Variants in HELLS observed in about 807,000 individuals in gnomAD.
HELLS encodes the protein lymphoid-specific helicase.
In HELLS, 32 loss-of-function variants were observed where a neutral mutation model predicts 120.0. The ratio of observed to expected loss-of-function variants is 0.27; its 90% CI spans 0.20 to 0.36. HELLS has a LOEUF of 0.36. HELLS is among the 10% of genes least tolerant of loss of function. HELLS has a pLI of 1.00. For missense variants in HELLS, 650 were observed against 993.4 expected, an observed-to-expected ratio of 0.65 and a Z score of 4.65; for synonymous variants, 341 against 323.4, an observed-to-expected ratio of 1.05 and a Z score of -0.58.
chr10:94,589,202 A>C (rs1008514428), intron 13 of HELLS, among the ~76,000 whole-genome samples: 1 of 152,230 alleles, frequency 6.6e-6, no homozygotes, highest in Non-Finnish European at 1.5e-5. Flanking sequence ...AACTCTAATC[A>C]TGCTTTCTGG....
At chr10:94,559,789 C>A (rs1843460911) in intron 4 of HELLS, among the ~76,000 whole-genome samples, 1 of 152,056 alleles carries the variant, frequency 6.6e-6, no homozygotes, top group Non-Finnish European at 1.5e-5. Flanking sequence ...AATAAGATAT[C>A]TTTAAAAACA....
chr10:94,571,420 G>A lies in HELLS; in HGVS notation c.468G>A (p.Lys156=). The A allele has an allele frequency of 1.3e-6, 2 of 1,497,548 alleles. No individual in the cohort carries two copies. The highest frequency in any genetic ancestry group is 9.2e-7 in the Non-Finnish European group (1 of 1,086,814). 92.8% of individuals were successfully genotyped at this position (1,497,548 alleles called of 1,614,324 possible). Residue 156 remains lysine, a synonymous_variant, in exon 7 of 22, where the codon AAG becomes AAA. Coordinates refer to ENST00000348459, the MANE Select transcript of HELLS (RefSeq NM_018063.5). Reference sequence around the variant, plus strand: ...TGTCTGTGGCTAAAAAAAATAAAAAGGAGAATGAGGTAAGAAATTTATAAT... The same window carrying A: ...TGTCTGTGGCTAAAAAAAATAAAAAAGAGAATGAGGTAAGAAATTTATAAT... The part of the protein sequence containing the change: ...EILSVAKKNK[K]ENEDENSSST...
At chr10:94,585,041 TC>T (rs1845051746) in intron 12 of HELLS, among the ~76,000 whole-genome samples, 1 of 152,108 alleles carries the variant, frequency 6.6e-6, no homozygotes, top group Non-Finnish European at 1.5e-5. Flanking sequence ...TTAACTATTT[TC>T]TATATGAAAG....
chr10:94,576,993 A>T lies in HELLS; in HGVS notation c.1032+188A>T, dbSNP rs563864300. The T allele has an allele frequency of 2.0e-4, 123 of 603,622 alleles. No homozygotes were observed. The Middle Eastern group carries it at 2.8e-3, about 14-fold the overall frequency. The allele number at this position is 603,622 out of a possible 1,614,324, so 37.4% of individuals were successfully genotyped here. On this transcript the variant is annotated intron_variant, in intron 10 of 21. Transcript: ENST00000348459. ...CAGAATGATTGGGATGAAGGCCATC[A>T]TTTGTAACAATATAATTAAAGCTTA...
chr10:94,596,934 T>C lies in HELLS; in HGVS notation c.2323T>C (p.Leu775=). 1.3e-6 allele frequency: 2 copies of C among 1,502,134 alleles called. No individual in the cohort carries two copies. Among genetic ancestry groups the C allele is most frequent in the Non-Finnish European group, 1.9e-6 (2 of 1,079,972 alleles). 93.1% of individuals were successfully genotyped at this position (1,502,134 alleles called of 1,614,324 possible). A position where few individuals can be genotyped will look rare whatever the true frequency, so the allele number is the denominator to read the frequency against. ...FLDPKELMEL[L]KSRDYEREIK... is the part of the protein sequence containing the mutation. ...AGATCCTAAGGAATTAATGGAATTA[T>C]TAAAATCTAGAGATTATGAAAGGTG... Residue 775 remains leucine, a synonymous_variant, in exon 20 of 22, where the codon TTA becomes CTA. Transcript: ENST00000348459.
At chr10:94,561,769 A>C (rs1000126925) in intron 4 of HELLS, among the ~76,000 whole-genome samples, 1 of 151,832 alleles carries the variant, frequency 6.6e-6, no homozygotes, top group Non-Finnish European at 1.5e-5. Flanking sequence ...ACCTGGCCAG[A>C]AACTGTTTCT....
At chr10:94,582,312 A>G (rs1425850023) in intron 11 of HELLS, among the ~76,000 whole-genome samples, 1 of 152,156 alleles carries the variant, frequency 6.6e-6, no homozygotes, top group East Asian at 1.9e-4. Flanking sequence ...GTGCAGACAT[A>G]CTGAGTTACA....
intron 12 of HELLS, among the ~76,000 whole-genome samples, chr10:94,587,676 C>G (rs1183549725): frequency 6.6e-6 from 1 of 152,252 alleles, no homozygotes; most frequent in East Asian, 1.9e-4. Flanking sequence ...ATTCACCCGT[C>G]TTGGCCTCCC....
At chr10:94,590,309 A>G (rs1466876210) in intron 13 of HELLS, 104 bp from the exon 14 acceptor site, 7 of 945,522 alleles carry the variant, frequency 7.4e-6, no homozygotes, top group African/African-American at 1.7e-5. Context: ...GTATTTGTCT[A>G]TAGATTGTCA....
At chr10:94,591,601 T>C (rs1389991889) in intron 15 of HELLS, among the ~76,000 whole-genome samples, 1 of 152,206 alleles carries the variant, frequency 6.6e-6, no homozygotes, top group East Asian at 1.9e-4. Context: ...TAGATGCCAC[T>C]AGTATTCACT....
At chr10:94,612,926 T>C (rs1846208742) in exon 10 of HELLS, 1 of 152,118 alleles carries the variant, frequency 6.6e-6, no homozygotes, top group Admixed American at 6.5e-5. Flanking sequence ...TCTCAAAAAA[T>C]AAAGGTGTAC....
chr10:94,580,362 A>G (rs1282317390), intron 10 of HELLS, among the ~76,000 whole-genome samples: 2 of 151,148 alleles, frequency 1.3e-5, no homozygotes, highest in Non-Finnish European at 3.0e-5. Flanking sequence ...TTGTATTTTT[A>G]GTAGAGACGG....
chr10:94,563,808 C>CTTTTT (rs10623208), intron 6 of HELLS, among the ~76,000 whole-genome samples: 2 of 136,418 alleles, frequency 1.5e-5, no homozygotes, highest in Non-Finnish European at 1.6e-5. Flanking sequence ...GTTTTCTTTT[C>CTTTTT]TTTTTTTTTT....
At chr10:94,607,583 TA>T (rs1367050091) in intron 8 of HELLS, among the ~76,000 whole-genome samples, 5 of 152,228 alleles carry the variant, frequency 3.3e-5, no homozygotes, top group Non-Finnish European at 5.9e-5. Flanking sequence ...AGTGAGTCAC[TA>T]TTCCATATTT....
At chr10:94,560,599 G>T (rs186420269) in intron 4 of HELLS, among the ~76,000 whole-genome samples, 44 of 152,114 alleles carry the variant, frequency 2.9e-4, no homozygotes, top group African/African-American at 1.0e-3. Flanking sequence ...GGGAGGTTGA[G>T]GCACGAGTAT....
At chr10:94,557,680 G>A (rs1006771100) in intron 3 of HELLS, among the ~76,000 whole-genome samples, 2 of 152,204 alleles carry the variant, frequency 1.3e-5, no homozygotes, top group African/African-American at 2.4e-5. Flanking sequence ...CTGAGAGAGA[G>A]ATAACAGCTG....
intron 7 of HELLS, among the ~76,000 whole-genome samples, chr10:94,573,644 A>G (rs1844293111): frequency 6.6e-6 from 1 of 151,724 alleles, no homozygotes; most frequent in Non-Finnish European, 1.5e-5. Flanking sequence ...TTGTATTTTT[A>G]GTAGACACAG....
In HELLS at chr10:94,576,930, T is replaced by TACCTGTAGAAGC; in HGVS notation, c.1032+125_1032+126insACCTGTAGAAGC. On this transcript the variant is annotated intron_variant, in intron 10 of 21. Transcript: ENST00000348459. ...TTTGTTGTCGAAATAATAGATTATA[T>TACCTGTAGAAGC]TGTGCATATACCTGTAGAAGCTGGA... The TACCTGTAGAAGC allele has an allele frequency of 1.3e-5, 10 of 772,188 alleles. No individual in the cohort carries two copies. In the South Asian group the frequency reaches 2.0e-4, roughly 15 times the overall value. The allele number at this position is 772,188 out of a possible 1,614,324, so 47.8% of individuals were successfully genotyped here.
At chr10:94,563,199 G>A (rs1589715904) in intron 6 of HELLS, among the ~76,000 whole-genome samples, 2 of 151,684 alleles carry the variant, frequency 1.3e-5, no homozygotes, top group Admixed American at 1.3e-4. Context: ...GGGTTCAAGC[G>A]ATTCTCCTGT....
Sources: allele counts gnomAD v4.1 joint callset (sites outside exome capture counted in the v4.1 genomes callset), GRCh38; gene constraint gnomAD v4.1.1; transcripts MANE v1.5; gene names NCBI Gene and HGNC (gene_info 2026-07-23, HGNC 2026-07-21).